The following SRSF1 variants were observed in gnomAD, a reference collection of about 807,000 sequenced individuals.
The protein encoded by SRSF1 is serine and arginine rich splicing factor 1, also known as serine/arginine-rich splicing factor 1.
A neutral mutation model predicts 25.9 loss-of-function variants in SRSF1; 1 was observed. That is an observed-to-expected ratio of 0.04 (90% CI 0.01 to 0.18). The LOEUF is 0.18. SRSF1 is among the 10% of genes least tolerant of loss of function. The probability of loss-of-function intolerance (pLI) is 1.00; values close to 1 mark genes in which losing one functional copy is unlikely to be tolerated. For missense variants in SRSF1, 65 were observed against 350.5 expected (o/e 0.19, Z 6.50); for synonymous variants, 132 against 126.2 (o/e 1.05, Z -0.31).
At chr17:57,996,399 G>A (rs1031418647), downstream of SRSF1, among the ~76,000 whole-genome samples, 2 of 143,114 alleles carry the variant, frequency 1.4e-5, no homozygotes, top group African/African-American at 2.6e-5. Flanking sequence ...CAGGAGAATC[G>A]CTTGAACCCA....
In SRSF1 at chr17:58,002,225, G is replaced by C. The variant is rs899156704; in HGVS notation, c.*3181C>G. Among the ~76,000 whole-genome samples, 2 of 152,106 alleles carry C rather than the reference G, an allele frequency of 1.3e-5. No homozygotes were observed. The highest frequency in any genetic ancestry group is 2.9e-5 in the Non-Finnish European group (2 of 68,024). On this transcript the variant is annotated 3_prime_UTR_variant, in exon 4 of 4. Transcript: ENST00000258962. ...ATTACATTGAATTCTTAGATAAAAA[G>C]AGCTACATCCTTAAACTTACACTAA...
intron 2 of SRSF1, 37 bp from the exon 3 acceptor site, chr17:58,006,010 T>C (rs763747615): frequency 1.3e-6 from 2 of 1,583,306 alleles, no homozygotes; most frequent in Middle Eastern, 1.7e-4. Context: ...GTACCAATTA[T>C]CTTAAATTTC....
chr17:58,005,358 G>C lies in SRSF1; in HGVS notation c.*48C>G, dbSNP rs749311042. On this transcript the variant is annotated 3_prime_UTR_variant, in exon 4 of 4. Transcript: ENST00000258962. The surrounding 1 kb of genome is among the most constrained non-coding windows in gnomAD (Gnocchi z 5.2). Reference sequence around the variant, plus strand: ...AAATGAAAAGATTGTACTGAATAAAGGAAAACTGTATACAACATGGGTTCT... The same window carrying C: ...AAATGAAAAGATTGTACTGAATAAACGAAAACTGTATACAACATGGGTTCT... 6.3e-7 allele frequency: 1 copy of C among 1,596,728 alleles called. No homozygotes were observed. The highest frequency in any genetic ancestry group is 8.6e-7 in the Non-Finnish European group (1 of 1,166,558).
intron 1 of SRSF1, 63 bp downstream of exon 1, chr17:58,006,881 T>G (rs1187836327): frequency 6.3e-7 from 1 of 1,583,266 alleles, no homozygotes; most frequent in Non-Finnish European, 8.6e-7. Flanking sequence ...TGTTAAGGCC[T>G]TGGAGCCTTC....
the SRSF1 span, among the ~76,000 whole-genome samples, chr17:57,995,578 G>A: frequency 2.0e-5 from 3 of 152,202 alleles, no homozygotes; most frequent in African/African-American, 4.8e-5. Flanking sequence ...TCAGCACACA[G>A]GGTAAGAACA....
the SRSF1 span, chr17:57,992,359 C>G: frequency 3.3e-5 from 5 of 152,126 alleles, no homozygotes; most frequent in African/African-American, 1.2e-4. Flanking sequence ...TGCCCCAGGA[C>G]AGGGTAATGG....
Position 58,006,060 on chromosome 17 carries a change from T to C in SRSF1, c.380-87A>G. On this transcript the variant is annotated intron_variant, in intron 2 of 3. Coordinates refer to ENST00000258962, the MANE Select transcript of SRSF1 (RefSeq NM_006924.5). ...AGGTACATTAGGACAAAGAGTACTT[T>C]AAAGTACTTAATAGGTGTACTTAAG... 5.4e-6 allele frequency: 7 copies of C among 1,287,422 alleles called. No individual in the cohort carries two copies. In the Middle Eastern group the frequency reaches 1.2e-3, roughly 212 times the overall value. The allele number at this position is 1,287,422 out of a possible 1,614,324, so 79.7% of individuals were successfully genotyped here.
At chr17:58,000,741 T>C (rs2075383883), downstream of SRSF1, among the ~76,000 whole-genome samples, 1 of 152,174 alleles carries the variant, frequency 6.6e-6, no homozygotes, top group Non-Finnish European at 1.5e-5. Flanking sequence ...TACAATCCCT[T>C]ATATGAACTC....
the SRSF1 span, chr17:57,994,109 T>A: frequency 8.5e-5 from 13 of 152,248 alleles, no homozygotes; most frequent in African/African-American, 3.1e-4. Context: ...GAGAAAGGCA[T>A]CATATACTTA....
downstream of SRSF1, among the ~76,000 whole-genome samples, chr17:57,996,213 G>A (rs1005785178): frequency 3.3e-5 from 5 of 151,888 alleles, no homozygotes; most frequent in African/African-American, 4.8e-5. Context: ...AGCCGGGCGC[G>A]GTGGCTTATG....
downstream of SRSF1, among the ~76,000 whole-genome samples, chr17:57,996,115 A>G (rs2075363497): frequency 6.6e-6 from 1 of 152,242 alleles, no homozygotes; most frequent in Admixed American, 6.5e-5. Flanking sequence ...TAATGTATTT[A>G]TTCACAAACA....
chr17:58,001,773 C>T lies in SRSF1; in HGVS notation c.*3633G>A, dbSNP rs186592168. Among the ~76,000 whole-genome samples the T allele has an allele frequency of 2.0e-5, 3 of 152,296 alleles. No individual in the cohort carries two copies. Reference sequence around the variant, plus strand: ...CTATAAATAGGAGCAGTCCATACTTCCCATCACAGCTTTTAGCTGTCTGGT... The same window carrying T: ...CTATAAATAGGAGCAGTCCATACTTTCCATCACAGCTTTTAGCTGTCTGGT... On this transcript the variant is annotated 3_prime_UTR_variant, in exon 4 of 4. Coordinates refer to ENST00000258962, the MANE Select transcript of SRSF1 (RefSeq NM_006924.5).
the SRSF1 span, chr17:57,994,279 C>T: frequency 2.6e-5 from 4 of 152,126 alleles, no homozygotes; most frequent in Non-Finnish European, 5.9e-5. Flanking sequence ...CTGATGAAGC[C>T]CCATGTATGT....
At chr17:57,993,749 G>C in the SRSF1 span, 1 of 152,190 alleles carries the variant, frequency 6.6e-6, no homozygotes, top group African/African-American at 2.4e-5. Flanking sequence ...CTCTAACAAA[G>C]CACACAAGGC....
chr17:57,996,615 CAT>C (rs368737488), downstream of SRSF1, among the ~76,000 whole-genome samples: 2 of 150,312 alleles, frequency 1.3e-5, no homozygotes, highest in African/African-American at 4.9e-5. Context: ...CTTTTTAAAA[CAT>C]GAAGAAAAGC....
the SRSF1 span, chr17:57,993,027 T>A: frequency 6.6e-6 from 1 of 152,238 alleles, no homozygotes; most frequent in Non-Finnish European, 1.5e-5. Context: ...AAGGCCTAGA[T>A]AAGATCTGGC....
At position 58,007,237 on chromosome 17, in the gene SRSF1, C is replaced by G. The variant is rs924123034; in HGVS notation, c.-100G>C. 1 of 1,384,600 alleles carries G rather than the reference C, an allele frequency of 7.2e-7. No homozygotes were observed. The highest frequency in any genetic ancestry group is 9.9e-7 in the Non-Finnish European group (1 of 1,006,228). The allele number at this position is 1,384,600 out of a possible 1,614,324, so 85.8% of individuals were successfully genotyped here. A position where few individuals can be genotyped will look rare whatever the true frequency, so the allele number is the denominator to read the frequency against. On this transcript the variant is annotated 5_prime_UTR_variant, in exon 1 of 4. Transcript: ENST00000258962. ...CGGCACCACGTCTCCCGCGGCCCCT[C>G]CAAAATGGCGCCTTTATCAGCTCGG...
the SRSF1 span, chr17:57,990,073 T>C: frequency 3.9e-6 from 1 of 255,140 alleles, no homozygotes; most frequent in Admixed American, 5.4e-5. Flanking sequence ...TTCTCCTCCC[T>C]AGCTGCCTTT....
the SRSF1 span, among the ~76,000 whole-genome samples, chr17:57,995,232 C>T: frequency 6.6e-6 from 1 of 152,134 alleles, no homozygotes; most frequent in Non-Finnish European, 1.5e-5. Context: ...TTTTGTGGAT[C>T]TGTTACTAAT....
Sources: allele counts gnomAD v4.1 joint callset (sites outside exome capture counted in the v4.1 genomes callset), GRCh38; gene constraint gnomAD v4.1.1; non-coding constraint Gnocchi (gnomAD v3.1); transcripts MANE v1.5; gene names NCBI Gene and HGNC (gene_info 2026-07-23, HGNC 2026-07-21).